Variants in POTEE observed in about 807,000 individuals in gnomAD.
POTEE encodes ANKRD26-like family C member 1A.
POTEE carries 21 observed loss-of-function variants against 74.2 expected under a neutral mutation model. The observed-to-expected ratio is 0.28, with a 90% CI of 0.20 to 0.41. POTEE has a LOEUF of 0.41. Ranked by LOEUF, POTEE falls within the 10% of genes least tolerant of loss-of-function variation. The pLI is 1.00. For synonymous variants in POTEE, 211 were observed against 432.8 expected, an observed-to-expected ratio of 0.49 and a Z score of 6.36; for missense variants, 525 against 1,158.6, an observed-to-expected ratio of 0.45 and a Z score of 7.94.
intron 8 of POTEE, among the ~76,000 whole-genome samples, chr2:131,230,557 T>G (rs1283400856): frequency 1.6e-4 from 24 of 152,254 alleles, no homozygotes; most frequent in East Asian, 3.9e-4. Context: ...TAGGACTTAT[T>G]TAGAGTTGGG....
chr2:131,239,813 G>T (rs1281944033), intron 12 of POTEE, among the ~76,000 whole-genome samples: 1 of 152,040 alleles, frequency 6.6e-6, no homozygotes, highest in Admixed American at 6.5e-5. Flanking sequence ...TAGTTTTTTG[G>T]TCGTCTCCCT....
At chr2:131,224,971 A>G (rs1331767468) in intron 6 of POTEE, among the ~76,000 whole-genome samples, 2 of 152,008 alleles carry the variant, frequency 1.3e-5, no homozygotes, top group Non-Finnish European at 2.9e-5. Context: ...AGTTGACTAG[A>G]CCCTGTTCTT....
rs761459988 is a variant in POTEE, at chr2:131,263,711, C to T, written c.2256C>T (p.Ser752=). The change falls in exon 18 of 18, where the codon TCC becomes TCT. Residue 752 remains serine (S), a synonymous_variant. Coordinates refer to ENST00000683005, the MANE Select transcript of POTEE (RefSeq NM_001083538.3). ...TGGGGGGCATGCATCAGAAAGAGTC[C>T]TATGTGGGCAAGGAGGCCCAGAGCA... ...GMMGGMHQKE[S]YVGKEAQSKR... 6.2e-7 allele frequency: 1 copy of T among 1,610,402 alleles called. No homozygotes were observed. The highest frequency in any genetic ancestry group is 8.5e-7 in the Non-Finnish European group (1 of 1,179,184).
At chr2:131,226,601 G>A (rs1373785116) in intron 6 of POTEE, among the ~76,000 whole-genome samples, 1 of 149,618 alleles carries the variant, frequency 6.7e-6, no homozygotes. Flanking sequence ...TTTAAAGTGA[G>A]TTTTTGAGAT....
rs1169408560 is a variant in POTEE, at chr2:131,211,160, G to T, written c.-212G>T. On this transcript the variant is annotated 5_prime_UTR_variant, in exon 2 of 18. Transcript: ENST00000683005. ...GCCTCGTGTGACTGATGGCAGCCAC[G>T]GAGACTGCAGCTCGACAGGAGTGGT... Among the ~76,000 whole-genome samples, 44 of 151,368 alleles carry T rather than the reference G, an allele frequency of 2.9e-4. No individual in the cohort carries two copies. Among genetic ancestry groups the T allele is most frequent in the African/African-American group, 1.0e-3 (42 of 40,746 alleles).
At chr2:131,228,494 G>A (rs1360102702) in intron 8 of POTEE, 113 bp downstream of exon 8, 11 of 1,562,464 alleles carry the variant, frequency 7.0e-6, no homozygotes, top group East Asian at 2.2e-5. Flanking sequence ...GGTAGTTTTC[G>A]CGTGGCAGTG....
At chr2:131,232,710 TG>T (rs1469793138) in intron 9 of POTEE, among the ~76,000 whole-genome samples, 1 of 151,174 alleles carries the variant, frequency 6.6e-6, no homozygotes, top group African/African-American at 2.5e-5. Flanking sequence ...AGAGTTGTTT[TG>T]GTTGTTCATT....
At chr2:131,240,037 TG>T (rs1701237368) in intron 12 of POTEE, among the ~76,000 whole-genome samples, 1 of 142,900 alleles carries the variant, frequency 7.0e-6, no homozygotes, top group Admixed American at 7.0e-5. Context: ...CATACACTGC[TG>T]GTAAATACAT....
At chr2:131,215,167 T>C (rs989559560) in intron 2 of POTEE, among the ~76,000 whole-genome samples, 1 of 152,032 alleles carries the variant, frequency 6.6e-6, no homozygotes, top group Non-Finnish European at 1.5e-5. Flanking sequence ...CTTCAGCATT[T>C]ACATAGCATT....
intron 2 of POTEE, among the ~76,000 whole-genome samples, chr2:131,212,222 A>T (rs1350242783): frequency 1.3e-5 from 2 of 152,060 alleles, no homozygotes; most frequent in Admixed American, 6.5e-5. Flanking sequence ...CTATGCTTTC[A>T]TGATTGTGTT....
intron 4 of POTEE, among the ~76,000 whole-genome samples, chr2:131,221,501 G>A (rs776824106): frequency 6.6e-6 from 1 of 152,066 alleles, no homozygotes; most frequent in Non-Finnish European, 1.5e-5. Context: ...AACATCTGAA[G>A]TTTTAGTTAA....
intron 16 of POTEE, among the ~76,000 whole-genome samples, chr2:131,256,946 A>G (rs1359148009): frequency 4.6e-5 from 7 of 152,306 alleles, no homozygotes; most frequent in Non-Finnish European, 1.0e-4. Context: ...AAACAAAGTG[A>G]TTTATCATCT....
At chr2:131,217,941 C>T (rs1285065736) in intron 3 of POTEE, 1 of 250,826 alleles carries the variant, frequency 4.0e-6, no homozygotes, top group Non-Finnish European at 7.7e-6. Flanking sequence ...GCATGCTGCA[C>T]GCGCTTTAAC....
At chr2:131,262,965 C>A (rs1355321153) in intron 17 of POTEE, among the ~76,000 whole-genome samples, 1 of 151,892 alleles carries the variant, frequency 6.6e-6, no homozygotes, top group African/African-American at 2.4e-5. Context: ...AGAGTGTAAA[C>A]CTAATCTTAA....
Position 131,229,896 on chromosome 2 carries a change from A to C in POTEE, c.1056-940A>C, listed in dbSNP as rs553672244. Among the ~76,000 whole-genome samples, 404 of 152,252 alleles carry C rather than the reference A, an allele frequency of 2.7e-3. 1 individual carries two copies. The highest frequency in any genetic ancestry group is 9.4e-3 in the African/African-American group (391 of 41,536). Reference sequence around the variant, plus strand: ...CATGTTCGGTGCAAAATATATTGTTAGTATGTATGTCGAAAATTACAGAAT... The same window carrying C: ...CATGTTCGGTGCAAAATATATTGTTCGTATGTATGTCGAAAATTACAGAAT... On this transcript the variant is annotated intron_variant, in intron 8 of 17. Transcript: ENST00000683005.
chr2:131,230,695 A>T, intron 8 of POTEE, 141 bp from the exon 9 acceptor site: 1 of 727,518 alleles, frequency 1.4e-6, no homozygotes, highest in Non-Finnish European at 2.3e-6. Context: ...TGTAGAATGT[A>T]TTCATAAGTG....
chr2:131,213,181 G>A (rs536321895), intron 2 of POTEE, among the ~76,000 whole-genome samples: 1 of 152,252 alleles, frequency 6.6e-6, no homozygotes, highest in Non-Finnish European at 1.5e-5. Context: ...GGCTGGCCTA[G>A]AACACCTGAC....
At chr2:131,236,556 C>CT (rs1336218849) in intron 9 of POTEE, among the ~76,000 whole-genome samples, 176 bp from the exon 10 acceptor site, 2 of 151,580 alleles carry the variant, frequency 1.3e-5, no homozygotes, top group Non-Finnish European at 2.9e-5. Context: ...CATCAGGTGT[C>CT]TCCCCAAGTG....
At chr2:131,220,630 A>G (rs1480980197) in intron 4 of POTEE, among the ~76,000 whole-genome samples, 2 of 152,098 alleles carry the variant, frequency 1.3e-5, no homozygotes, top group African/African-American at 4.8e-5. Flanking sequence ...AATGTAAGTT[A>G]GAAGAGGAAT....
Sources: allele counts gnomAD v4.1 joint callset (sites outside exome capture counted in the v4.1 genomes callset), GRCh38; gene constraint gnomAD v4.1.1; transcripts MANE v1.5; gene names NCBI Gene and HGNC (gene_info 2026-07-23, HGNC 2026-07-21).